Variants in FSTL5 observed in about 807,000 individuals in gnomAD.
The protein encoded by FSTL5 is follistatin-related protein 5.
In FSTL5, 62 loss-of-function variants were observed where a neutral mutation model predicts 89.1. That is an observed-to-expected ratio of 0.70 (90% CI 0.57 to 0.86). FSTL5 has a LOEUF of 0.86. Among genes scored for constraint, FSTL5 ranks in the 40% least tolerant of loss-of-function variants. The pLI is 0.00. For missense variants in FSTL5, 1,057 were observed against 1,001.6 expected (o/e 1.06, Z -0.75); for synonymous variants, 383 against 346.2 (o/e 1.11, Z -1.18).
chr4:161,727,802 G>A (rs1739471385), intron 6 of FSTL5, among the ~76,000 whole-genome samples: 1 of 152,148 alleles, frequency 6.6e-6, no homozygotes, highest in African/African-American at 2.4e-5. Flanking sequence ...AAATATAAGA[G>A]AAGGCTTTCT....
At chr4:161,930,189 CA>C (rs1734248712) in intron 3 of FSTL5, among the ~76,000 whole-genome samples, 1 of 151,786 alleles carries the variant, frequency 6.6e-6, no homozygotes, top group Admixed American at 6.6e-5. Flanking sequence ...GTCTGATCTG[CA>C]GCTACAAACA....
intron 15 of FSTL5, among the ~76,000 whole-genome samples, chr4:161,391,586 C>T (rs1292048186): frequency 6.6e-6 from 1 of 152,058 alleles, no homozygotes; most frequent in Non-Finnish European, 1.5e-5. Flanking sequence ...TTTCTATTAT[C>T]CCACACCAAC....
rs577164808 is a variant in FSTL5, at chr4:161,740,480, A to T, written c.727+18931T>A. Among the ~76,000 whole-genome samples, 16 of 152,278 alleles carry T rather than the reference A, an allele frequency of 1.1e-4. No homozygotes were observed. In the East Asian group the frequency reaches 1.2e-3, roughly 11 times the overall value. On this transcript the variant is annotated intron_variant, in intron 6 of 15. Transcript: ENST00000306100. ...AACCCCCATATTATAAAAGAAAAAA[A>T]AAAGCAAGTCCAAACAAAAACATGA...
At chr4:161,505,342 T>TAATA (rs1432488793) in intron 11 of FSTL5, among the ~76,000 whole-genome samples, 1 of 152,156 alleles carries the variant, frequency 6.6e-6, no homozygotes, top group Non-Finnish European at 1.5e-5. Context: ...AATAAAGTCT[T>TAATA]TATATTAAGT....
chr4:161,627,425 G>T (rs1473224769), intron 7 of FSTL5, among the ~76,000 whole-genome samples: 1 of 152,210 alleles, frequency 6.6e-6, no homozygotes. Context: ...ACACTTAATA[G>T]AATACATTAT....
In FSTL5 at chr4:161,587,555, G is replaced by C. The variant is rs373744257; in HGVS notation, c.915C>G (p.Ser305=). Residue 305 remains serine (S), a synonymous_variant, in exon 8 of 16, where the codon TCC becomes TCG. Transcript: ENST00000306100. ...EDINDFGDDG[S]LYITKVTTTH... is the part of the protein sequence containing the mutation. The stretch of plus-strand genomic sequence containing the variant: ...TTGTGGTAACCTTAGTAATATACAA[G>C]GACCCATCATCTCCAAAGTCCTATT... 151 of 1,607,920 alleles carry C rather than the reference G, an allele frequency of 9.4e-5. No individual in the cohort carries two copies. The highest frequency in any genetic ancestry group is 1.2e-4 in the Non-Finnish European group (147 of 1,176,126).
At chr4:161,776,426 G>T (rs1741415454) in intron 4 of FSTL5, among the ~76,000 whole-genome samples, 2 of 151,938 alleles carry the variant, frequency 1.3e-5, no homozygotes, top group African/African-American at 4.8e-5. Context: ...TTTCTGTATT[G>T]ATAGTTTTAT....
chr4:161,879,540 T>C (rs1332099586), intron 4 of FSTL5, among the ~76,000 whole-genome samples: 2 of 152,222 alleles, frequency 1.3e-5, no homozygotes, highest in Non-Finnish European at 2.9e-5. Context: ...AGAGCCTGTC[T>C]CTGTCAGTTC....
At chr4:161,720,596 A>G (rs1739163918) in intron 6 of FSTL5, among the ~76,000 whole-genome samples, 1 of 152,210 alleles carries the variant, frequency 6.6e-6, no homozygotes, top group African/African-American at 2.4e-5. Flanking sequence ...TATAGCCAAG[A>G]CATGGAGACA....
At chr4:161,718,596 T>A (rs1425147749) in intron 6 of FSTL5, among the ~76,000 whole-genome samples, 1 of 152,010 alleles carries the variant, frequency 6.6e-6, no homozygotes, top group Non-Finnish European at 1.5e-5. Context: ...GCCCGGCTAC[T>A]TTTTTGTATT....
intron 7 of FSTL5, among the ~76,000 whole-genome samples, chr4:161,622,310 T>G (rs1735161817): frequency 6.6e-6 from 1 of 152,096 alleles, no homozygotes. Flanking sequence ...GTTAAGAAAT[T>G]AATTCATACC....
intron 7 of FSTL5, among the ~76,000 whole-genome samples, chr4:161,633,205 C>T (rs1735558138): frequency 6.6e-6 from 1 of 151,154 alleles, no homozygotes; most frequent in Non-Finnish European, 1.5e-5. Flanking sequence ...AAACTATTCC[C>T]AATACTTAAT....
intron 3 of FSTL5, among the ~76,000 whole-genome samples, chr4:162,021,129 T>C (rs976903257): frequency 1.3e-5 from 2 of 152,176 alleles, no homozygotes; most frequent in Non-Finnish European, 2.9e-5. Flanking sequence ...TATTAACCTA[T>C]TTATTCAAAT....
rs1560800313 is a variant in FSTL5, at chr4:161,705,981, TATATATATATATATAC to T, written c.728-49503_728-49488del. 8.6e-3 allele frequency among the ~76,000 whole-genome samples: 794 copies of T among 92,278 alleles called. 48 individuals carry two copies. Among genetic ancestry groups the T allele is most frequent in the African/African-American group, 0.032 (690 of 21,378 alleles). 60.5% of individuals were successfully genotyped at this position (92,278 alleles called of 152,430 possible). On this transcript the variant is annotated intron_variant, in intron 6 of 15. Transcript: ENST00000306100. ...ATATATATATATATATATATATATATATATATATATATATACACACATCTACACACACACAGACTAT... is the reference window on the plus strand; with the variant it reads ...ATATATATATATATATATATATATATACACATCTACACACACACAGACTAT...
At chr4:162,094,466 A>G (rs1196174953) in intron 2 of FSTL5, among the ~76,000 whole-genome samples, 1 of 152,142 alleles carries the variant, frequency 6.6e-6, no homozygotes, top group African/African-American at 2.4e-5. Context: ...AAACAACCCA[A>G]ATTTCCATCA....
At chr4:161,602,000 G>A (rs1020997723) in intron 7 of FSTL5, among the ~76,000 whole-genome samples, 5 of 151,938 alleles carry the variant, frequency 3.3e-5, no homozygotes, top group Middle Eastern at 3.4e-3. Context: ...CTCAAATACA[G>A]TCCTATTATT....
At chr4:161,587,217 C>T (rs1024413599) in intron 8 of FSTL5, among the ~76,000 whole-genome samples, 6 of 151,176 alleles carry the variant, frequency 4.0e-5, no homozygotes, top group Non-Finnish European at 7.4e-5. Context: ...TTCTAATTTT[C>T]CAATTAAAAT....
chr4:161,601,888 C>T (rs148449333), intron 7 of FSTL5, among the ~76,000 whole-genome samples: 139 of 152,208 alleles, frequency 9.1e-4, no homozygotes, highest in Middle Eastern at 3.4e-3. Context: ...TCTCCACTAC[C>T]TTGCACAGAA....
rs1001161990 is a variant in FSTL5, at chr4:161,402,532, T to G, written c.1842-16083A>C. ...GATGGGATTCAGTAAGGTTTGTTTC[T>G]GTAAGGAAATTACTCAGATTCTCTT... On this transcript the variant is annotated intron_variant, in intron 15 of 15. Transcript: ENST00000306100. 1.1e-4 allele frequency among the ~76,000 whole-genome samples: 16 copies of G among 152,342 alleles called. No homozygotes were observed. In the East Asian group the frequency reaches 3.1e-3, roughly 29 times the overall value.
Sources: gnomAD v4.1 joint callset for allele counts (sites outside exome capture counted in the v4.1 genomes callset) on GRCh38, gnomAD v4.1.1 for gene constraint, MANE v1.5 for transcripts, NCBI Gene and HGNC (gene_info 2026-07-23, HGNC 2026-07-21) for gene names.